Variants in ADAD1 observed in about 807,000 individuals in gnomAD.
ADAD1 encodes the protein adenosine deaminase domain-containing protein 1.
In ADAD1, 46 loss-of-function variants were observed where a neutral mutation model predicts 66.8. That is an observed-to-expected ratio of 0.69 (90% CI 0.54 to 0.88). ADAD1 has a LOEUF of 0.88. ADAD1 is among the 40% of genes least tolerant of loss of function. The pLI is 0.00. For synonymous variants in ADAD1, 248 were observed against 229.4 expected (o/e 1.08, Z -0.73); for missense variants, 617 against 681.8 (o/e 0.91, Z 1.06).
chr4:122,411,126 G>A (rs1796446269), intron 8 of ADAD1, 96 bp from the exon 9 acceptor site: 2 of 955,916 alleles, frequency 2.1e-6, no homozygotes, highest in East Asian at 2.9e-5. Context: ...CTTTTAACAT[G>A]CAGGACATTG....
At chr4:122,400,306 AT>A (rs1182981258) in intron 7 of ADAD1, among the ~76,000 whole-genome samples, 1 of 152,102 alleles carries the variant, frequency 6.6e-6, no homozygotes, top group African/African-American at 2.4e-5. Flanking sequence ...GGTGTATCAC[AT>A]TTATCACCTT....
intron 5 of ADAD1, among the ~76,000 whole-genome samples, chr4:122,387,023 T>G (rs558574135): frequency 8.7e-4 from 132 of 152,336 alleles, no homozygotes; most frequent in Middle Eastern, 3.4e-3. Context: ...ATATGGGGTC[T>G]TCTTTGATTT....
At chr4:122,400,806 C>T (rs910342719) in intron 7 of ADAD1, among the ~76,000 whole-genome samples, 3 of 151,872 alleles carry the variant, frequency 2.0e-5, no homozygotes, top group Non-Finnish European at 4.4e-5. Context: ...TTCATAGTAA[C>T]CTTGAATGAT....
At chr4:122,396,152 T>TA (rs1472541356) in intron 6 of ADAD1, 100 bp from the exon 7 acceptor site, 11 of 1,041,170 alleles carry the variant, frequency 1.1e-5, no homozygotes, top group Middle Eastern at 3.5e-4. Flanking sequence ...GATGTCTATA[T>TA]ATTATTAAAT....
intron 7 of ADAD1, among the ~76,000 whole-genome samples, chr4:122,402,823 G>T (rs1796038741): frequency 3.9e-5 from 6 of 152,032 alleles, no homozygotes. Flanking sequence ...TTCTCTAAGT[G>T]TGTCTTTTCC....
intron 12 of ADAD1, among the ~76,000 whole-genome samples, chr4:122,423,653 TTCTATAAAAC>T (rs1276706687): frequency 6.6e-6 from 1 of 152,166 alleles, no homozygotes; most frequent in Non-Finnish European, 1.5e-5. Flanking sequence ...TTTCAAAACT[TTCTATAAAAC>T]TACAGTAATC....
At chr4:122,416,502 G>A (rs1319992987) in intron 11 of ADAD1, among the ~76,000 whole-genome samples, 1 of 152,164 alleles carries the variant, frequency 6.6e-6, no homozygotes, top group East Asian at 1.9e-4. Context: ...TGAGGCAGGA[G>A]CATGGCTTGA....
chr4:122,422,830 T>C (rs948185825), intron 12 of ADAD1, among the ~76,000 whole-genome samples: 2 of 152,000 alleles, frequency 1.3e-5, no homozygotes, highest in Admixed American at 1.3e-4. Flanking sequence ...CCCACAGCTC[T>C]AGTTCTGGCT....
At chr4:122,379,978 A>G in intron 2 of ADAD1, 84 bp from the exon 3 acceptor site, 1 of 1,346,756 alleles carries the variant, frequency 7.4e-7, no homozygotes, top group East Asian at 2.5e-5. Flanking sequence ...TATGGAAATA[A>G]TGGGGGGGTG....
At chr4:122,429,375 A>G (rs1283586909) in intron 12 of ADAD1, among the ~76,000 whole-genome samples, 1 of 151,986 alleles carries the variant, frequency 6.6e-6, no homozygotes, top group Non-Finnish European at 1.5e-5. Context: ...TTCAGTGATC[A>G]TGCCACCATA....
intron 8 of ADAD1, among the ~76,000 whole-genome samples, chr4:122,410,557 T>G (rs1185244075): frequency 6.6e-6 from 1 of 152,218 alleles, no homozygotes; most frequent in Non-Finnish European, 1.5e-5. Flanking sequence ...TGTGATATTT[T>G]GATACAACCA....
intron 5 of ADAD1, among the ~76,000 whole-genome samples, chr4:122,390,255 A>G (rs112735392): frequency 7.2e-5 from 11 of 152,240 alleles, no homozygotes; most frequent in African/African-American, 2.6e-4. Flanking sequence ...TTCCCTTTGT[A>G]GGTGACCTGG....
intron 7 of ADAD1, among the ~76,000 whole-genome samples, chr4:122,398,936 G>T (rs995168241): frequency 4.0e-5 from 6 of 151,860 alleles, no homozygotes; most frequent in African/African-American, 1.2e-4. Flanking sequence ...TGATTACTCT[G>T]CTGATTATTT....
chr4:122,403,752 AG>A (rs1796080526), intron 7 of ADAD1, among the ~76,000 whole-genome samples: 1 of 152,270 alleles, frequency 6.6e-6, no homozygotes, highest in East Asian at 1.9e-4. Context: ...AGAGCTCCCA[AG>A]AGTGCCTTTT....
chr4:122,392,536 T>C (rs763273008), intron 5 of ADAD1, among the ~76,000 whole-genome samples: 1 of 152,154 alleles, frequency 6.6e-6, no homozygotes, highest in South Asian at 2.1e-4. Flanking sequence ...ATTGGAACAA[T>C]AGATGCTGTG....
At position 122,383,624 on chromosome 4, in the gene ADAD1, ATGCCCATTCAG is replaced by A. The variant is rs199880328; in HGVS notation, c.362-173_362-163del. Among the ~76,000 whole-genome samples, 149 of 152,306 alleles carry A rather than the reference ATGCCCATTCAG, an allele frequency of 9.8e-4. 3 individuals carry two copies. In the East Asian group the frequency reaches 0.021, roughly 22 times the overall value. On this transcript the variant is annotated intron_variant, in intron 4 of 12. Coordinates refer to ENST00000296513, the MANE Select transcript of ADAD1 (RefSeq NM_139243.4). ...GCTTGAATCCTCAGAGTTAGTTCAGATGCCCATTCAGTTTTAGTTTAACTCCTATTGGTCCT... is the reference window on the plus strand; with the variant it reads ...GCTTGAATCCTCAGAGTTAGTTCAGATTTTAGTTTAACTCCTATTGGTCCT...
At chr4:122,384,297 G>T (rs1208537581) in intron 5 of ADAD1, among the ~76,000 whole-genome samples, 2 of 152,116 alleles carry the variant, frequency 1.3e-5, no homozygotes, top group South Asian at 4.2e-4. Context: ...ATACTTAGAG[G>T]TTTTAAATGC....
At chr4:122,428,408 G>A (rs1797353077) in intron 12 of ADAD1, among the ~76,000 whole-genome samples, 1 of 152,144 alleles carries the variant, frequency 6.6e-6, no homozygotes, top group Admixed American at 6.5e-5. Flanking sequence ...TCTTAAGATG[G>A]TAAATGTGTG....
At chr4:122,425,616 A>G (rs1001779946) in intron 12 of ADAD1, among the ~76,000 whole-genome samples, 1 of 151,826 alleles carries the variant, frequency 6.6e-6, no homozygotes, top group Non-Finnish European at 1.5e-5. Context: ...TAAAAAAAAA[A>G]ATACAAAAAT....
Sources: gnomAD v4.1 joint callset for allele counts (sites outside exome capture counted in the v4.1 genomes callset) on GRCh38, gnomAD v4.1.1 for gene constraint, MANE v1.5 for transcripts, NCBI Gene and HGNC (gene_info 2026-07-23, HGNC 2026-07-21) for gene names.